PLA2G4A: variants seen among roughly 807,000 people sequenced by gnomAD.
PLA2G4A encodes the protein phospholipase A2 group IVA, also known as cytosolic phospholipase A2.
In PLA2G4A, 40 loss-of-function variants were observed where a neutral mutation model predicts 81.9. The observed-to-expected ratio is 0.49, with a 90% CI of 0.38 to 0.64. The LOEUF is 0.64. Among genes scored for constraint, PLA2G4A ranks in the 30% least tolerant of loss-of-function variants. The pLI is 0.00. For synonymous variants in PLA2G4A, 302 were observed against 296.9 expected (o/e 1.02, Z -0.18); for missense variants, 715 against 905.1 (o/e 0.79, Z 2.69).
At chr1:186,832,128 G>C (rs1651614858) in intron 1 of PLA2G4A, among the ~76,000 whole-genome samples, 1 of 151,688 alleles carries the variant, frequency 6.6e-6, no homozygotes, top group African/African-American at 2.4e-5. Context: ...ATATCTTGTT[G>C]GATATTTAGA....
chr1:186,988,755 G>T lies in PLA2G4A; in HGVS notation c.*247G>T. On this transcript the variant is annotated 3_prime_UTR_variant, in exon 18 of 18. Coordinates refer to ENST00000367466, the MANE Select transcript of PLA2G4A (RefSeq NM_024420.3). ...TATGAACTTCCTGATACAAATGTAG[G>T]GATATATACTGTATTTTTAAACATT... is the stretch of plus-strand genomic sequence containing the variant. 3 of 311,416 alleles carry T rather than the reference G, an allele frequency of 9.6e-6. No individual in the cohort carries two copies. Among genetic ancestry groups the T allele is most frequent in the South Asian group, 7.6e-5 (2 of 26,188 alleles). The allele number at this position is 311,416 out of a possible 1,614,324, so 19.3% of individuals were successfully genotyped here. A position where few individuals can be genotyped will look rare whatever the true frequency, so the allele number is the denominator to read the frequency against.
intron 2 of PLA2G4A, among the ~76,000 whole-genome samples, chr1:186,864,733 AG>A (rs1322892833): frequency 6.6e-6 from 1 of 151,448 alleles, no homozygotes. Flanking sequence ...CGTGATTAAA[AG>A]AGGACTTAAA....
intron 8 of PLA2G4A, among the ~76,000 whole-genome samples, chr1:186,937,020 ACTTTTATGTTTT>A (rs1262465259): frequency 1.3e-5 from 1 of 79,216 alleles, no homozygotes. Context: ...CTGGGGTGAT[ACTTTTATGTTTT>A]TTTTTTTTTA....
chr1:186,833,899 C>T (rs1363780088), intron 1 of PLA2G4A, among the ~76,000 whole-genome samples: 1 of 152,118 alleles, frequency 6.6e-6, no homozygotes, highest in Non-Finnish European at 1.5e-5. Context: ...CAGAGTTTAG[C>T]CATCACTCTC....
chr1:186,855,141 T>C (rs2102028563), intron 2 of PLA2G4A, among the ~76,000 whole-genome samples: 1 of 152,136 alleles, frequency 6.6e-6, no homozygotes, highest in African/African-American at 2.4e-5. Context: ...TTATTTGTAA[T>C]GTCTTCTTCC....
Position 186,906,128 on chromosome 1 carries a change from C to T in PLA2G4A, c.379-837C>T, listed in dbSNP as rs542600999. On this transcript the variant is annotated intron_variant, in intron 5 of 17. Coordinates refer to ENST00000367466, the MANE Select transcript of PLA2G4A (RefSeq NM_024420.3). ...TAACCTGATACAATAAAAATAATAA[C>T]ACATTTACAACTGTGTAGCAACTTT... is the stretch of plus-strand genomic sequence containing the variant. 9.0e-4 allele frequency among the ~76,000 whole-genome samples: 137 copies of T among 152,272 alleles called. 1 individual carries two copies. Among genetic ancestry groups the T allele is most frequent in the African/African-American group, 3.2e-3 (135 of 41,550 alleles).
intron 14 of PLA2G4A, among the ~76,000 whole-genome samples, chr1:186,965,141 A>G (rs1419115202): frequency 6.6e-6 from 1 of 152,248 alleles, no homozygotes; most frequent in Non-Finnish European, 1.5e-5. Context: ...GACCTGAGCT[A>G]AGTGCTTTCC....
At chr1:186,919,846 C>T (rs927589373) in intron 7 of PLA2G4A, among the ~76,000 whole-genome samples, 1 of 152,170 alleles carries the variant, frequency 6.6e-6, no homozygotes, top group Non-Finnish European at 1.5e-5. Flanking sequence ...AAGTCCTGTA[C>T]TGGCTGGTAG....
chr1:186,868,293 G>A (rs1571348724), intron 2 of PLA2G4A, among the ~76,000 whole-genome samples: 1 of 151,972 alleles, frequency 6.6e-6, no homozygotes, highest in South Asian at 2.1e-4. Context: ...AGCCAGGCTG[G>A]TCTCAAACTC....
At chr1:186,854,824 T>C (rs1331951267) in intron 2 of PLA2G4A, among the ~76,000 whole-genome samples, 3 of 151,930 alleles carry the variant, frequency 2.0e-5, no homozygotes, top group Non-Finnish European at 4.4e-5. Flanking sequence ...TTTAAATAAA[T>C]TCTTCTATGG....
intron 1 of PLA2G4A, among the ~76,000 whole-genome samples, chr1:186,848,853 G>A (rs1016296743): frequency 6.6e-6 from 1 of 152,052 alleles, no homozygotes; most frequent in Non-Finnish European, 1.5e-5. Flanking sequence ...TTAATATCAG[G>A]AGAGTCTCTA....
At chr1:186,927,087 G>A (rs903517964) in intron 7 of PLA2G4A, among the ~76,000 whole-genome samples, 1 of 152,184 alleles carries the variant, frequency 6.6e-6, no homozygotes, top group Admixed American at 6.5e-5. Context: ...TTTCTGAAAT[G>A]TGTAATTTCT....
chr1:186,831,438 A>T (rs929988342), intron 1 of PLA2G4A, among the ~76,000 whole-genome samples: 9 of 152,202 alleles, frequency 5.9e-5, no homozygotes, highest in Non-Finnish European at 1.3e-4. Flanking sequence ...AATAATAATT[A>T]ACTGTACAAT....
intron 3 of PLA2G4A, 22 bp downstream of exon 3, chr1:186,870,538 G>A (rs1291364100): frequency 5.3e-6 from 8 of 1,509,168 alleles, no homozygotes; most frequent in South Asian, 1.1e-5. Context: ...TTTTTTCTTT[G>A]CTGTTAAACA....
At chr1:186,830,266 A>C (rs1032459538) in intron 1 of PLA2G4A, among the ~76,000 whole-genome samples, 1 of 152,202 alleles carries the variant, frequency 6.6e-6, no homozygotes, top group Non-Finnish European at 1.5e-5. Context: ...TAGGGGAAGC[A>C]TATTTTTTGA....
intron 3 of PLA2G4A, among the ~76,000 whole-genome samples, chr1:186,892,627 C>T (rs12066585): frequency 0.029 from 4,361 of 152,196 alleles, 189 homozygotes; most frequent in African/African-American, 0.099. Context: ...TTGTCTCTAG[C>T]TTTAAGCCCA....
intron 7 of PLA2G4A, among the ~76,000 whole-genome samples, chr1:186,928,193 A>C (rs1378207132): frequency 6.6e-6 from 1 of 152,092 alleles, no homozygotes; most frequent in Non-Finnish European, 1.5e-5. Flanking sequence ...CCCAGACTGC[A>C]CTCAGCAAGG....
chr1:186,878,079 T>G (rs1406033634), intron 3 of PLA2G4A, among the ~76,000 whole-genome samples: 1 of 147,286 alleles, frequency 6.8e-6, no homozygotes, highest in East Asian at 2.0e-4. Flanking sequence ...GGCTAAAGTA[T>G]ATACTAAAAT....
intron 12 of PLA2G4A, among the ~76,000 whole-genome samples, chr1:186,948,219 A>C (rs1656409701): frequency 6.6e-6 from 1 of 152,160 alleles, no homozygotes; most frequent in South Asian, 2.1e-4. Context: ...ATTGGAGCCA[A>C]AGATTTTAAA....
Sources: allele counts gnomAD v4.1 joint callset (sites outside exome capture counted in the v4.1 genomes callset), GRCh38; gene constraint gnomAD v4.1.1; transcripts MANE v1.5; gene names NCBI Gene and HGNC (gene_info 2026-07-23, HGNC 2026-07-21).